The following ACBD5 variants were observed in gnomAD, a reference collection of about 807,000 sequenced individuals.
ACBD5 encodes the protein acyl-CoA-binding domain-containing protein 5.
A neutral mutation model predicts 71.8 loss-of-function variants in ACBD5; 40 were observed. The observed-to-expected ratio is 0.56, with a 90% CI of 0.43 to 0.72. The LOEUF is 0.72. Among genes scored for constraint, ACBD5 ranks in the 30% least tolerant of loss-of-function variants. ACBD5 has a pLI of 0.00. For synonymous variants in ACBD5, 229 were observed against 218.6 expected, an observed-to-expected ratio of 1.05 and a Z score of -0.42; for missense variants, 559 against 644.5, an observed-to-expected ratio of 0.87 and a Z score of 1.44.
At chr10:27,234,451 AGTTT>A (rs34673698) in intron 3 of ACBD5, among the ~76,000 whole-genome samples, 25,977 of 150,062 alleles carry the variant, frequency 0.17, 2,811 homozygotes, top group East Asian at 0.32. Context: ...GGCAGTTAAA[AGTTT>A]GTTTATTTAA....
intron 2 of ACBD5, among the ~76,000 whole-genome samples, chr10:27,236,859 T>TG (rs2064774791): frequency 1.6e-5 from 2 of 125,726 alleles, no homozygotes; most frequent in Non-Finnish European, 3.2e-5. Flanking sequence ...CACTACAGCC[T>TG]GGGCAGCTGA....
At chr10:27,192,648 C>T (rs1564523599), downstream of ACBD5, among the ~76,000 whole-genome samples, 2 of 152,100 alleles carry the variant, frequency 1.3e-5, no homozygotes, top group Admixed American at 6.6e-5. Flanking sequence ...ATAACTGATA[C>T]TCCCTTGCCT....
In ACBD5 at chr10:27,204,232, A is replaced by G. The variant is rs78148492; in HGVS notation, c.1565+208T>C. On this transcript the variant is annotated intron_variant, in intron 12 of 12. Coordinates refer to ENST00000396271, the MANE Select transcript of ACBD5 (RefSeq NM_145698.5). ...TGTATAAATCCATCAGATGCTCTCA[A>G]GTGAAAATGTTTTTAAGTCTAACAA... 0.017 allele frequency among the ~76,000 whole-genome samples: 2,556 copies of G among 151,438 alleles called. 152 individuals are homozygous for G. Among genetic ancestry groups the G allele is most frequent in the South Asian group, 0.16 (774 of 4,804 alleles).
In ACBD5 at chr10:27,195,641, CTAAA is replaced by C. The variant is rs1168709113; in HGVS notation, c.*1785_*1788del. The C allele has an allele frequency of 7.1e-6, 3 of 421,012 alleles. No homozygotes were observed. The highest frequency in any genetic ancestry group is 3.0e-5 in the Admixed American group (1 of 33,736). 26.1% of individuals were successfully genotyped at this position (421,012 alleles called of 1,614,324 possible). A position where few individuals can be genotyped will look rare whatever the true frequency, so the allele number is the denominator to read the frequency against. ...ATTCAGTTGCTTGCTTCACTTTTTC[CTAAA>C]TAAATAGGGAACACTTTTTTAAAAG... On this transcript the variant is annotated 3_prime_UTR_variant, in exon 13 of 13. Coordinates refer to ENST00000396271, the MANE Select transcript of ACBD5 (RefSeq NM_145698.5).
At chr10:27,232,113 C>T in intron 3 of ACBD5, 1 of 385,506 alleles carries the variant, frequency 2.6e-6, no homozygotes, top group Non-Finnish European at 4.7e-6. Context: ...TATATTATTA[C>T]AAAGAACAGT....
chr10:27,185,691 G>C, intron 13 of ACBD5, among the ~76,000 whole-genome samples: 1 of 151,574 alleles, frequency 6.6e-6, no homozygotes, highest in Non-Finnish European at 1.5e-5. Context: ...GGGAGGCTGA[G>C]GCACGAGAAC....
rs1588936420 is a variant in ACBD5 at position 27,196,473 on chromosome 10, C to T, written c.*957G>A. ...AGTAGGTGTATCTAAAATAGTATAC[C>T]CCGAAGGAAAAACTGAGGCACTAAG... On this transcript the variant is annotated 3_prime_UTR_variant, in exon 13 of 13. Transcript: ENST00000396271. 2.2e-6 allele frequency: 1 copy of T among 454,350 alleles called. No individual in the cohort carries two copies. The highest frequency in any genetic ancestry group is 1.6e-5 in the South Asian group (1 of 64,466). The allele number at this position is 454,350 out of a possible 1,614,324, so 28.1% of individuals were successfully genotyped here. A position where few individuals can be genotyped will look rare whatever the true frequency, so the allele number is the denominator to read the frequency against.
At chr10:27,193,752 A>G (rs2059181427), downstream of ACBD5, among the ~76,000 whole-genome samples, 5 of 152,214 alleles carry the variant, frequency 3.3e-5, no homozygotes. Flanking sequence ...GAAAGACAGG[A>G]GGAGCCTGTC....
intron 12 of ACBD5, among the ~76,000 whole-genome samples, chr10:27,199,759 G>A (rs1473939299): frequency 6.6e-6 from 1 of 152,106 alleles, no homozygotes; most frequent in Non-Finnish European, 1.5e-5. Flanking sequence ...TTACATGATA[G>A]CAATTTAGGA....
rs752147433 is a variant in ACBD5 at position 27,184,554 on chromosome 10, A to ATTTTTTTTT, written c.1494-1848_1494-1840dup. On this transcript the variant is annotated intron_variant, in intron 13 of 13. Coordinates refer to the ACBD5 transcript ENST00000676511. The stretch of plus-strand genomic sequence containing the variant: ...AAAAACACTATCACATATAAGAAGG[A>ATTTTTTTTT]TTTTTTTTTTTTTTTTTTTTTTTTG... 9.0e-4 allele frequency among the ~76,000 whole-genome samples: 76 copies of ATTTTTTTTT among 84,852 alleles called. 4 individuals carry two copies. Among genetic ancestry groups the ATTTTTTTTT allele is most frequent in the African/African-American group, 1.0e-3 (22 of 21,342 alleles). 55.7% of individuals were successfully genotyped at this position (84,852 alleles called of 152,430 possible).
intron 4 of ACBD5, among the ~76,000 whole-genome samples, chr10:27,227,009 A>ATTTTTTTTTTTTTTT (rs56406048): frequency 7.7e-5 from 6 of 78,386 alleles, no homozygotes; most frequent in Non-Finnish European, 9.0e-5. Flanking sequence ...TTTTTTTGCG[A>ATTTTTTTTTTTTTTT]TTTTTTTTTT....
chr10:27,186,452 C>T, intron 13 of ACBD5: 1 of 1,614,036 alleles, frequency 6.2e-7, no homozygotes, highest in Non-Finnish European at 8.5e-7. Context: ...CTTTCATCCC[C>T]CAGCCAGATG....
At chr10:27,231,307 AG>A (rs2063825199) in intron 4 of ACBD5, among the ~76,000 whole-genome samples, 1 of 152,182 alleles carries the variant, frequency 6.6e-6, no homozygotes, top group Admixed American at 6.5e-5. Context: ...ACTTGAGGTC[AG>A]AAGTTCAAGA....
At position 27,197,280 on chromosome 10, in the gene ACBD5, A is replaced by T. The variant is rs770242818; in HGVS notation, c.*150T>A. 13 of 742,730 alleles carry T rather than the reference A, an allele frequency of 1.8e-5. No individual in the cohort carries two copies. In the South Asian group the frequency reaches 1.8e-4, roughly 10 times the overall value. 46.0% of individuals were successfully genotyped at this position (742,730 alleles called of 1,614,324 possible). ...TTATCGTTTGTGTAGTGCAAAATATATATGTGTATATATGTACACAAACTA... is the reference window on the plus strand; with the variant it reads ...TTATCGTTTGTGTAGTGCAAAATATTTATGTGTATATATGTACACAAACTA... On this transcript the variant is annotated 3_prime_UTR_variant, in exon 13 of 13. Transcript: ENST00000396271.
At chr10:27,220,154 A>G (rs536491899) in intron 5 of ACBD5, among the ~76,000 whole-genome samples, 30 of 152,330 alleles carry the variant, frequency 2.0e-4, no homozygotes, top group Admixed American at 1.9e-3. Context: ...ATCTTCATAC[A>G]TGGCAAGTGA....
chr10:27,188,728 CTTAT>C (rs1293973051), intron 13 of ACBD5, among the ~76,000 whole-genome samples: 1 of 152,120 alleles, frequency 6.6e-6, no homozygotes, highest in African/African-American at 2.4e-5. Context: ...GAACAGGTGA[CTTAT>C]TATCTAAATT....
chr10:27,211,352 C>T (rs1288202650), intron 8 of ACBD5, among the ~76,000 whole-genome samples: 1 of 152,064 alleles, frequency 6.6e-6, no homozygotes, highest in Admixed American at 6.6e-5. Flanking sequence ...GATGGAGTCT[C>T]GCTCTGTCAC....
chr10:27,224,753 G>C (rs7907326), intron 4 of ACBD5, among the ~76,000 whole-genome samples: 2 of 152,210 alleles, frequency 1.3e-5, no homozygotes, highest in African/African-American at 4.8e-5. Flanking sequence ...AACAGGGGCC[G>C]GGCGTGGTGG....
At chr10:27,224,016 T>G (rs1476212627) in intron 4 of ACBD5, among the ~76,000 whole-genome samples, 1 of 152,146 alleles carries the variant, frequency 6.6e-6, no homozygotes, top group South Asian at 2.1e-4. Flanking sequence ...TTTTGAAGAT[T>G]ATTTTACATG....
Sources: gnomAD v4.1 joint callset for allele counts (sites outside exome capture counted in the v4.1 genomes callset) on GRCh38, gnomAD v4.1.1 for gene constraint, MANE v1.5 for transcripts, NCBI Gene and HGNC (gene_info 2026-07-23, HGNC 2026-07-21) for gene names.